Variants in NF1 observed in about 807,000 individuals in gnomAD.
NF1 encodes neurofibromin 1.
In NF1, 122 loss-of-function variants were observed where a neutral mutation model predicts 325.7. That is an observed-to-expected ratio of 0.37 (90% CI 0.32 to 0.44). The LOEUF (loss-of-function observed/expected upper bound fraction) is 0.44, where lower values mean the gene tolerates loss of function less well. Among genes scored for constraint, NF1 ranks in the 20% least tolerant of loss-of-function variants. The pLI is 1.00. For missense variants in NF1, 2,140 were observed against 3,415.4 expected, an observed-to-expected ratio of 0.63 and a Z score of 9.31; for synonymous variants, 1,091 against 1,186.0, an observed-to-expected ratio of 0.92 and a Z score of 1.65.
At chr17:31,351,305 G>A (rs183151619) in intron 50 of NF1, among the ~76,000 whole-genome samples, 3 of 152,076 alleles carry the variant, frequency 2.0e-5, no homozygotes, top group African/African-American at 7.2e-5. Flanking sequence ...AAATAGCTAC[G>A]AGTAGATTTT....
intron 8 of NF1, among the ~76,000 whole-genome samples, chr17:31,184,026 G>T (rs1459915948): frequency 6.6e-6 from 1 of 152,012 alleles, no homozygotes; most frequent in African/African-American, 2.4e-5. Flanking sequence ...AGAGATTTTG[G>T]TACAAGGAGT....
In NF1 at chr17:31,292,862, G is replaced by A. The variant is rs16972156; in HGVS notation, c.4835+27523G>A. Among the ~76,000 whole-genome samples, 1,193 of 152,056 alleles carry A rather than the reference G, an allele frequency of 7.8e-3. 20 individuals are homozygous for A. The highest frequency in any genetic ancestry group is 0.027 in the African/African-American group (1,138 of 41,480). On this transcript the variant is annotated intron_variant, in intron 36 of 57. Coordinates refer to ENST00000358273, the MANE Select transcript of NF1 (RefSeq NM_001042492.3). ...CATTGAGTTTTTGGTATCCTCAGAG[G>A]AAAAGACAGTTACCTCTAAGATACC...
chr17:31,338,232 G>A (rs2069730674), intron 45 of NF1, 93 bp downstream of exon 45: 3 of 907,070 alleles, frequency 3.3e-6, no homozygotes, highest in Non-Finnish European at 5.6e-6. Context: ...TAAATTTGAG[G>A]TCAATGAAAT....
At chr17:31,332,427 G>A (rs1158723403) in intron 39 of NF1, among the ~76,000 whole-genome samples, 2 of 152,026 alleles carry the variant, frequency 1.3e-5, no homozygotes, top group Non-Finnish European at 2.9e-5. Flanking sequence ...TCACTCCACT[G>A]CACTCCAGCC....
intron 1 of NF1, among the ~76,000 whole-genome samples, chr17:31,115,494 G>C (rs542259074): frequency 9.3e-4 from 141 of 152,266 alleles, no homozygotes; most frequent in African/African-American, 3.2e-3. Flanking sequence ...AATAATAGAG[G>C]AACTACTTCT....
Position 31,190,089 on chromosome 17 carries a change from CAA to C in NF1, c.888+7443_888+7444del, listed in dbSNP as rs766783457. ...AAAATGTATTTTTAAAAATGTATTACAAAAAAAAAAAAAAAAAAAAGCTGGCC... is the reference window on the plus strand; with the variant it reads ...AAAATGTATTTTTAAAAATGTATTACAAAAAAAAAAAAAAAAAAGCTGGCC... On this transcript the variant is annotated intron_variant, in intron 8 of 57. Coordinates refer to ENST00000358273, the MANE Select transcript of NF1 (RefSeq NM_001042492.3). Among the ~76,000 whole-genome samples the C allele has an allele frequency of 9.7e-3, 956 of 98,210 alleles. 12 individuals carry two copies. The highest frequency in any genetic ancestry group is 0.043 in the African/African-American group (908 of 21,112). The allele number at this position is 98,210 out of a possible 152,430, so 64.4% of individuals were successfully genotyped here.
At chr17:31,097,260 C>G (rs745403808) in intron 1 of NF1, among the ~76,000 whole-genome samples, 2 of 151,876 alleles carry the variant, frequency 1.3e-5, no homozygotes, top group Non-Finnish European at 2.9e-5. Context: ...GAGTTTGAGA[C>G]CAGCCTGACC....
At chr17:31,163,436 T>C (rs528586691) in intron 4 of NF1, 60 bp downstream of exon 4, 1 of 1,552,900 alleles carries the variant, frequency 6.4e-7, no homozygotes, top group East Asian at 2.2e-5. Flanking sequence ...AGTTTTGTTT[T>C]TTGTCTACAT....
chr17:31,249,922 A>G (rs1260505531), intron 30 of NF1: 2 of 484,980 alleles, frequency 4.1e-6, no homozygotes, highest in South Asian at 3.1e-5. Context: ...CACAGTTATC[A>G]AAACCCATGT....
intron 36 of NF1, chr17:31,314,305 G>C (rs2068965208): frequency 3.8e-6 from 1 of 259,776 alleles, no homozygotes. Flanking sequence ...AAATATTTAG[G>C]ATGGAGTCCC....
chr17:31,198,898 C>T (rs2066479480), intron 8 of NF1, among the ~76,000 whole-genome samples: 2 of 152,068 alleles, frequency 1.3e-5, no homozygotes, highest in South Asian at 2.1e-4. Context: ...GGATTACAGG[C>T]ATGAGCCACT....
At chr17:31,295,476 C>G (rs758335988) in intron 36 of NF1, 11 of 1,614,048 alleles carry the variant, frequency 6.8e-6, no homozygotes, top group East Asian at 6.7e-5. Context: ...ATGGTGTCCA[C>G]TGTCTGCATC....
intron 12 of NF1, among the ~76,000 whole-genome samples, chr17:31,208,848 G>A (rs2066670718): frequency 6.6e-6 from 1 of 151,950 alleles, no homozygotes; most frequent in Admixed American, 6.6e-5. Flanking sequence ...CTGAGATGGC[G>A]CCATTGCACC....
chr17:31,261,140 G>A (rs1215953379), intron 34 of NF1, among the ~76,000 whole-genome samples: 1 of 151,964 alleles, frequency 6.6e-6, no homozygotes, highest in South Asian at 2.1e-4. Context: ...CTACTCGGGA[G>A]GCTGAGCCAG....
intron 8 of NF1, among the ~76,000 whole-genome samples, chr17:31,195,650 C>T (rs555807512): frequency 2.6e-5 from 4 of 152,184 alleles, no homozygotes; most frequent in Admixed American, 2.6e-4. Flanking sequence ...GCTTATTTTA[C>T]TTAGCATAAT....
chr17:31,127,922 T>C (rs1187440012), intron 1 of NF1, among the ~76,000 whole-genome samples: 2 of 152,112 alleles, frequency 1.3e-5, no homozygotes, highest in African/African-American at 2.4e-5. Context: ...TTTTAATTAA[T>C]ATTTTTTTTG....
intron 1 of NF1, among the ~76,000 whole-genome samples, chr17:31,100,221 C>G (rs1298115827): frequency 6.6e-6 from 1 of 152,142 alleles, no homozygotes; most frequent in Non-Finnish European, 1.5e-5. Context: ...GAGTGTTCAT[C>G]TGAATGTACG....
intron 39 of NF1, chr17:31,332,020 A>G (rs571908192): frequency 2.4e-4 from 37 of 151,846 alleles, no homozygotes; most frequent in African/African-American, 8.4e-4. Context: ...GAGTAAGGAC[A>G]TATGAAGTAA....
At chr17:31,177,425 C>CA (rs2066043833) in intron 5 of NF1, among the ~76,000 whole-genome samples, 1 of 82,340 alleles carries the variant, frequency 1.2e-5, no homozygotes, top group South Asian at 3.7e-4. Context: ...GAAACCAGTG[C>CA]AAAAAGGCTG....
Sources: gnomAD v4.1 joint callset for allele counts (sites outside exome capture counted in the v4.1 genomes callset) on GRCh38, gnomAD v4.1.1 for gene constraint, MANE v1.5 for transcripts, NCBI Gene and HGNC (gene_info 2026-07-23, HGNC 2026-07-21) for gene names.